VGLL4: variants seen among roughly 807,000 people sequenced by gnomAD.
The protein encoded by VGLL4 is transcription cofactor vestigial-like protein 4.
In VGLL4, 7 loss-of-function variants were observed where a neutral mutation model predicts 21.0. The ratio of observed to expected loss-of-function variants is 0.33; its 90% CI spans 0.19 to 0.63. VGLL4 has a LOEUF of 0.63. Ranked by LOEUF, VGLL4 falls within the 20% of genes least tolerant of loss-of-function variation. The probability of loss-of-function intolerance (pLI) is 0.78; values close to 1 mark genes in which losing one functional copy is unlikely to be tolerated. For missense variants in VGLL4, 394 were observed against 425.7 expected (o/e 0.93, Z 0.66); for synonymous variants, 222 against 173.2 (o/e 1.28, Z -2.21).
At chr3:11,577,507 C>T (rs1232323149) in intron 2 of VGLL4, among the ~76,000 whole-genome samples, 1 of 152,062 alleles carries the variant, frequency 6.6e-6, no homozygotes, top group Non-Finnish European at 1.5e-5. Flanking sequence ...GCAAGAGAAT[C>T]GCTGGAACGT....
intron 2 of VGLL4, among the ~76,000 whole-genome samples, chr3:11,580,213 T>C (rs1336458467): frequency 6.6e-6 from 1 of 152,190 alleles, no homozygotes; most frequent in Non-Finnish European, 1.5e-5. Context: ...CCATTCTACC[T>C]TCTAGGACTT....
intron 1 of VGLL4, among the ~76,000 whole-genome samples, chr3:11,621,224 C>T (rs1030232518): frequency 5.3e-5 from 8 of 152,172 alleles, no homozygotes; most frequent in Non-Finnish European, 1.0e-4. Flanking sequence ...GTGTCTGACT[C>T]AATGTGTTTA....
intron 2 of VGLL4, among the ~76,000 whole-genome samples, chr3:11,686,873 A>G (rs1377830769): frequency 6.6e-6 from 1 of 152,220 alleles, no homozygotes; most frequent in Non-Finnish European, 1.5e-5. Context: ...GATTATAACC[A>G]CCATTATTGT....
intron 1 of VGLL4, among the ~76,000 whole-genome samples, chr3:11,635,468 T>C (rs1008199546): frequency 6.6e-6 from 1 of 152,212 alleles, no homozygotes; most frequent in African/African-American, 2.4e-5. Flanking sequence ...GGAAGCAACA[T>C]GTGGTTCTTT....
chr3:11,655,121 C>T (rs1004413770), intron 2 of VGLL4, among the ~76,000 whole-genome samples: 3 of 152,160 alleles, frequency 2.0e-5, no homozygotes, highest in Admixed American at 2.0e-4. Context: ...TTACAATCAC[C>T]CAGGAGGTTT....
chr3:11,620,674 T>C (rs1439131910), intron 1 of VGLL4, among the ~76,000 whole-genome samples: 1 of 152,104 alleles, frequency 6.6e-6, no homozygotes, highest in Non-Finnish European at 1.5e-5. Flanking sequence ...AATGACAACA[T>C]TCAGGCTGGA....
At position 11,568,982 on chromosome 3, in the gene VGLL4, C is replaced by T; in HGVS notation, c.273-3963G>A. The T allele has an allele frequency of 8.8e-7, 1 of 1,131,840 alleles. No homozygotes were observed. Among genetic ancestry groups the T allele is most frequent in the Non-Finnish European group, 1.1e-6 (1 of 911,676 alleles). The allele number at this position is 1,131,840 out of a possible 1,614,324, so 70.1% of individuals were successfully genotyped here. On this transcript the variant is annotated intron_variant, in intron 2 of 4. Transcript: ENST00000430365. The surrounding 1 kb of genome is among the most constrained non-coding windows in gnomAD (Gnocchi z 5.9). ...GAAAGAGGAGGGAGGGAAAGAGAGGCCTACAACACCATCATCCAGGACAGA... is the reference window on the plus strand; with the variant it reads ...GAAAGAGGAGGGAGGGAAAGAGAGGTCTACAACACCATCATCCAGGACAGA...
chr3:11,578,748 C>CTTTT (rs71044228), intron 2 of VGLL4, among the ~76,000 whole-genome samples: 40,017 of 104,520 alleles, frequency 0.38, 10,289 homozygotes, highest in Non-Finnish European at 0.5. Flanking sequence ...TGTATATTTT[C>CTTTT]TTTTTTTTTT....
At chr3:11,625,619 C>T (rs1470335419) in intron 1 of VGLL4, among the ~76,000 whole-genome samples, 1 of 152,194 alleles carries the variant, frequency 6.6e-6, no homozygotes, top group African/African-American at 2.4e-5. Flanking sequence ...TTTTTCTCTT[C>T]CTTTTTCACA....
At chr3:11,687,355 C>A (rs1236575597) in intron 2 of VGLL4, among the ~76,000 whole-genome samples, 1 of 152,098 alleles carries the variant, frequency 6.6e-6, no homozygotes, top group East Asian at 1.9e-4. Flanking sequence ...GAAATACATG[C>A]CATATTTCTA....
At chr3:11,645,176 TGTTAACAAAATA>T, upstream of VGLL4, among the ~76,000 whole-genome samples, 1 of 134,980 alleles carries the variant, frequency 7.4e-6, no homozygotes, top group East Asian at 2.1e-4. Flanking sequence ...ATCAAGAACG[TGTTAACAAAATA>T]GAAAAAAAAA....
At chr3:11,636,704 T>G (rs1166179883) in intron 1 of VGLL4, among the ~76,000 whole-genome samples, 1 of 152,182 alleles carries the variant, frequency 6.6e-6, no homozygotes, top group East Asian at 1.9e-4. Flanking sequence ...CCATGTTGCA[T>G]TCTCCAAAAC....
At chr3:11,686,309 A>G (rs189615354) in intron 2 of VGLL4, among the ~76,000 whole-genome samples, 43 of 152,342 alleles carry the variant, frequency 2.8e-4, no homozygotes, top group Admixed American at 1.5e-3. Context: ...CTATACATAC[A>G]ATGGAATATT....
intron 3 of VGLL4, among the ~76,000 whole-genome samples, chr3:11,561,560 G>C (rs888119579): frequency 6.6e-6 from 1 of 152,186 alleles, no homozygotes; most frequent in African/African-American, 2.4e-5. Context: ...GCTGGAGTCA[G>C]GCATCTTGCC....
intron 3 of VGLL4, among the ~76,000 whole-genome samples, chr3:11,562,044 C>T (rs1185082869): frequency 6.6e-6 from 1 of 151,942 alleles, no homozygotes; most frequent in Non-Finnish European, 1.5e-5. Flanking sequence ...ATTACAGGCA[C>T]CCACCACCAC....
At chr3:11,710,124 C>T (rs1441334317) in intron 1 of VGLL4, among the ~76,000 whole-genome samples, 3 of 152,190 alleles carry the variant, frequency 2.0e-5, no homozygotes, top group African/African-American at 7.2e-5. Flanking sequence ...AGAACTCACG[C>T]ATCACCAAGG....
chr3:11,713,568 T>TTTTATATATA (rs149323078), intron 1 of VGLL4, among the ~76,000 whole-genome samples: 5 of 140,294 alleles, frequency 3.6e-5, no homozygotes, highest in African/African-American at 1.4e-4. Context: ...TATATATTAT[T>TTTTATATATA]TATATATATA....
At chr3:11,566,718 T>C (rs2073549650) in intron 2 of VGLL4, among the ~76,000 whole-genome samples, 1 of 152,088 alleles carries the variant, frequency 6.6e-6, no homozygotes, top group Non-Finnish European at 1.5e-5. Context: ...ACAGCTGCAG[T>C]GTAGAATCCC....
intron 3 of VGLL4, among the ~76,000 whole-genome samples, chr3:11,561,992 C>T (rs2073062057): frequency 6.6e-6 from 1 of 151,192 alleles, no homozygotes; most frequent in Admixed American, 6.6e-5. Context: ...CTCCGCCTTC[C>T]GGGTTCAAGC....
Sources: allele counts gnomAD v4.1 joint callset (sites outside exome capture counted in the v4.1 genomes callset), GRCh38; gene constraint gnomAD v4.1.1; non-coding constraint Gnocchi (gnomAD v3.1); transcripts MANE v1.5; gene names NCBI Gene and HGNC (gene_info 2026-07-23, HGNC 2026-07-21).